The following UTRN variants were observed in gnomAD, a reference collection of about 807,000 sequenced individuals.
UTRN encodes dystrophin-related protein 1.
A neutral mutation model predicts 463.9 loss-of-function variants in UTRN; 283 were observed. That is an observed-to-expected ratio of 0.61 (90% CI 0.55 to 0.67). UTRN has a LOEUF of 0.67. Ranked by LOEUF, UTRN falls within the 30% of genes least tolerant of loss-of-function variation. UTRN has a pLI of 0.00. For missense variants in UTRN, 3,922 were observed against 4,084.3 expected (o/e 0.96, Z 1.08); for synonymous variants, 1,442 against 1,431.5 (o/e 1.01, Z -0.17).
chr6:144,690,090 T>TG (rs1783203860), intron 52 of UTRN, among the ~76,000 whole-genome samples: 116 of 56,772 alleles, frequency 2.0e-3, no homozygotes, highest in African/African-American at 7.4e-3. Flanking sequence ...TTTTTTTTTT[T>TG]TTTTTTGTGT....
chr6:144,652,679 G>A (rs944069551), intron 51 of UTRN, among the ~76,000 whole-genome samples: 6 of 152,196 alleles, frequency 3.9e-5, no homozygotes, highest in African/African-American at 1.2e-4. Context: ...AGAATAGCTC[G>A]AGTTATATAA....
At chr6:144,481,849 G>A (rs1161980757) in intron 26 of UTRN, among the ~76,000 whole-genome samples, 1 of 152,252 alleles carries the variant, frequency 6.6e-6, no homozygotes, top group Non-Finnish European at 1.5e-5. Context: ...CCTCAGGTCA[G>A]GAGTTTGAGA....
chr6:144,797,907 T>C lies in UTRN; in HGVS notation c.9162T>C (p.Val3054=), dbSNP rs1777368544. 1 of 1,614,162 alleles carries C rather than the reference T, an allele frequency of 6.2e-7. No homozygotes were observed. Among genetic ancestry groups the C allele is most frequent in the Non-Finnish European group, 8.5e-7 (1 of 1,180,010 alleles). ...LEPQSMVWLP[V]LHRVAAAETA... is the part of the protein sequence containing the mutation. ...CACAGTCCATGGTTTGGCTCCCAGTTTTACATCGAGTGGCAGCAGCGGAGA... is the reference window on the plus strand; with the variant it reads ...CACAGTCCATGGTTTGGCTCCCAGTCTTACATCGAGTGGCAGCAGCGGAGA... The change falls in exon 64 of 75, where the codon GTT becomes GTC. Residue 3054 remains valine (V), a synonymous_variant. Coordinates refer to ENST00000367545, the MANE Select transcript of UTRN (RefSeq NM_007124.3).
intron 41 of UTRN, among the ~76,000 whole-genome samples, 184 bp downstream of exon 41, chr6:144,523,372 T>C (rs1264092558): frequency 1.3e-5 from 2 of 152,176 alleles, no homozygotes; most frequent in Non-Finnish European, 2.9e-5. Context: ...TGCAGTGGCA[T>C]GATCTCAGCT....
Position 144,772,016 on chromosome 6 carries a change from GTTTTTTTTTTTT to G in UTRN, c.8557+74_8557+85del, listed in dbSNP as rs748399313. 2.3e-3 allele frequency: 297 copies of G among 127,528 alleles called. 2 individuals carry two copies. The highest frequency in any genetic ancestry group is 3.0e-3 in the Non-Finnish European group (198 of 66,082). 7.9% of individuals were successfully genotyped at this position (127,528 alleles called of 1,614,324 possible). ...AATTAACCTAAACAACTGAGAACCG[GTTTTTTTTTTTT>G]TTTTTTTTTTTTTTTTTTTTTTTTT... is the stretch of plus-strand genomic sequence containing the variant. On this transcript the variant is annotated intron_variant, in intron 59 of 74. Coordinates refer to ENST00000367545, the MANE Select transcript of UTRN (RefSeq NM_007124.3).
intron 51 of UTRN, among the ~76,000 whole-genome samples, chr6:144,591,598 G>A (rs1803079894): frequency 6.6e-6 from 1 of 152,148 alleles, no homozygotes; most frequent in African/African-American, 2.4e-5. Context: ...CGTCTTTACT[G>A]TGAGTGATAC....
chr6:144,797,660 T>G (rs1162998518), intron 63 of UTRN, 164 bp from the exon 64 acceptor site: 2 of 648,916 alleles, frequency 3.1e-6, no homozygotes, highest in Admixed American at 3.8e-5. Context: ...TTCTAGAATT[T>G]TCTTGACTTG....
At position 144,444,399 on chromosome 6, in the gene UTRN, C is replaced by T. The variant is rs1337337580; in HGVS notation, c.1614+17C>T. On this transcript the variant is annotated intron_variant, in intron 14 of 74. Coordinates refer to ENST00000367545, the MANE Select transcript of UTRN (RefSeq NM_007124.3). The stretch of plus-strand genomic sequence containing the variant: ...GAAGAACAGGTATGAAACTGTTTTC[C>T]ATAAGGGGCAAAATAAATGGTGAAA... 1 of 1,581,986 alleles carries T rather than the reference C, an allele frequency of 6.3e-7. No individual in the cohort carries two copies.
chr6:144,675,571 T>A (rs1045284266), intron 51 of UTRN, among the ~76,000 whole-genome samples: 2 of 152,174 alleles, frequency 1.3e-5, no homozygotes, highest in Non-Finnish European at 2.9e-5. Context: ...CTGTCATAAC[T>A]TGAGTTGGTT....
intron 59 of UTRN, among the ~76,000 whole-genome samples, chr6:144,772,513 C>A (rs1394969862): frequency 6.6e-6 from 1 of 152,138 alleles, no homozygotes; most frequent in Admixed American, 6.5e-5. Flanking sequence ...AGTTGATTTA[C>A]AGGGAGGAAT....
chr6:144,479,764 G>T, intron 25 of UTRN, 48 bp from the exon 26 acceptor site: 1 of 1,567,670 alleles, frequency 6.4e-7, no homozygotes, highest in South Asian at 1.2e-5. Flanking sequence ...ACTTGACATT[G>T]AACACATTAA....
At chr6:144,824,605 TATA>T (rs1779965328) in intron 66 of UTRN, among the ~76,000 whole-genome samples, 2 of 50,032 alleles carry the variant, frequency 4.0e-5, no homozygotes, top group African/African-American at 1.4e-4. Flanking sequence ...TATATATATA[TATA>T]TATATCTTTT....
chr6:144,634,477 A>G (rs1003710540), intron 51 of UTRN, among the ~76,000 whole-genome samples: 13 of 152,238 alleles, frequency 8.5e-5, no homozygotes, highest in Non-Finnish European at 1.2e-4. Flanking sequence ...GCAATGGCTC[A>G]GGATTAGGGT....
In UTRN at chr6:144,367,716, T is replaced by A. The variant is rs545268143; in HGVS notation, c.80-35407T>A. Among the ~76,000 whole-genome samples, 4 of 152,274 alleles carry A rather than the reference T, an allele frequency of 2.6e-5. No individual in the cohort carries two copies. The East Asian group carries it at 7.7e-4, about 29-fold the overall frequency. On this transcript the variant is annotated intron_variant, in intron 2 of 74. Transcript: ENST00000367545. ...TTATCTTCAAGAAGACAGTAATTTG[T>A]TGGCGGGGGGCGACCAGGAGAAAAA...
intron 58 of UTRN, among the ~76,000 whole-genome samples, chr6:144,761,425 C>T (rs1030072021): frequency 1.3e-5 from 2 of 151,896 alleles, no homozygotes; most frequent in East Asian, 1.9e-4. Context: ...GAGGCTGAGG[C>T]GGGTGGATTG....
chr6:144,292,044 A>G lies in UTRN; in HGVS notation c.79+137A>G, dbSNP rs1804292423. 5.9e-6 allele frequency: 5 copies of G among 846,794 alleles called. No homozygotes were observed. The South Asian group carries it at 1.1e-4, about 19-fold the overall frequency. 52.5% of individuals were successfully genotyped at this position (846,794 alleles called of 1,614,324 possible). On this transcript the variant is annotated intron_variant, in intron 2 of 74. Transcript: ENST00000367545. ...TTAAGAAACTGAATTCTGACAAATGACTATAATTTTGTAAAAGGTATATGT... is the reference window on the plus strand; with the variant it reads ...TTAAGAAACTGAATTCTGACAAATGGCTATAATTTTGTAAAAGGTATATGT...
chr6:144,414,149 TA>T (rs1456138775), intron 3 of UTRN, among the ~76,000 whole-genome samples: 3 of 151,630 alleles, frequency 2.0e-5, no homozygotes, highest in African/African-American at 7.3e-5. Flanking sequence ...AAAAGTTAAC[TA>T]CAAAACAGCC....
intron 51 of UTRN, among the ~76,000 whole-genome samples, chr6:144,667,253 T>G (rs1014834667): frequency 4.6e-5 from 7 of 152,100 alleles, no homozygotes; most frequent in Non-Finnish European, 1.0e-4. Context: ...GATGGGATTT[T>G]CATCCTGTTG....
chr6:144,434,914 G>A (rs1224364480), intron 9 of UTRN, among the ~76,000 whole-genome samples: 1 of 152,164 alleles, frequency 6.6e-6, no homozygotes, highest in Non-Finnish European at 1.5e-5. Flanking sequence ...GTTCTGGTTT[G>A]GATTTGTTGT....
Sources: allele counts gnomAD v4.1 joint callset (sites outside exome capture counted in the v4.1 genomes callset), GRCh38; gene constraint gnomAD v4.1.1; transcripts MANE v1.5; gene names NCBI Gene and HGNC (gene_info 2026-07-23, HGNC 2026-07-21).